The following XPNPEP3 variants were observed in gnomAD, a reference collection of about 807,000 sequenced individuals.
The protein encoded by XPNPEP3 is X-prolyl aminopeptidase 3.
XPNPEP3 carries 41 observed loss-of-function variants against 60.0 expected under a neutral mutation model. That is an observed-to-expected ratio of 0.68 (90% CI 0.53 to 0.89). The LOEUF is 0.89. XPNPEP3 is among the 40% of genes least tolerant of loss of function. The probability of loss-of-function intolerance (pLI) is 0.00; values close to 1 mark genes in which losing one functional copy is unlikely to be tolerated. For synonymous variants in XPNPEP3, 212 were observed against 223.2 expected (o/e 0.95, Z 0.45); for missense variants, 598 against 638.9 (o/e 0.94, Z 0.69).
chr22:40,908,806 A>G (rs908196007), intron 5 of XPNPEP3, among the ~76,000 whole-genome samples: 2 of 152,250 alleles, frequency 1.3e-5, no homozygotes, highest in African/African-American at 2.4e-5. Flanking sequence ...ATAGTTTTCT[A>G]TCTTCTAGAC....
rs756176423 is a variant in XPNPEP3 at position 40,886,548 on chromosome 22, G to A, written c.792+33G>A. The A allele has an allele frequency of 2.1e-5, 33 of 1,603,838 alleles. No homozygotes were observed. The East Asian group carries it at 3.3e-4, about 16-fold the overall frequency. ...TCCTATTGAAAAGTTTTTTCCAGCC[G>A]GGCGCGGTGGCTCACGCCTGTAATC... On this transcript the variant is annotated intron_variant, in intron 4 of 9. Coordinates refer to ENST00000357137, the MANE Select transcript of XPNPEP3 (RefSeq NM_022098.4).
intron 2 of XPNPEP3, among the ~76,000 whole-genome samples, chr22:40,871,040 A>G (rs1354552984): frequency 1.3e-5 from 2 of 151,826 alleles, no homozygotes; most frequent in Non-Finnish European, 2.9e-5. Flanking sequence ...AAAAAAAAGG[A>G]AAAAAAATTT....
intron 4 of XPNPEP3, among the ~76,000 whole-genome samples, chr22:40,891,055 T>A (rs1029933810): frequency 1.3e-5 from 2 of 151,232 alleles, no homozygotes; most frequent in African/African-American, 4.9e-5. Context: ...AAAAGTTACA[T>A]GATTTGGCCA....
At chr22:40,861,593 T>C in intron 1 of XPNPEP3, 2 of 1,613,166 alleles carry the variant, frequency 1.2e-6, no homozygotes, top group South Asian at 2.2e-5. Context: ...AAAAGTATCC[T>C]GCATCTCTGT....
rs143031847 is a variant in XPNPEP3, at chr22:40,867,419, A to G, written c.65-1580A>G. Among the ~76,000 whole-genome samples, 148 of 152,358 alleles carry G rather than the reference A, an allele frequency of 9.7e-4. 2 individuals carry two copies. The East Asian group carries it at 0.026, about 27-fold the overall frequency. On this transcript the variant is annotated intron_variant, in intron 1 of 9. Transcript: ENST00000357137. ...AGGACTATGAATTATGAATAATAAT[A>G]TATGTATTTGGGAGAGAAGAGTCTT...
intron 1 of XPNPEP3, 69 bp downstream of exon 1, chr22:40,857,314 T>A: frequency 6.4e-7 from 1 of 1,560,160 alleles, no homozygotes; most frequent in South Asian, 1.1e-5. Flanking sequence ...TCTCAGGCGA[T>A]CCCTGGTTCG....
intron 2 of XPNPEP3, among the ~76,000 whole-genome samples, chr22:40,873,593 G>C (rs879303850): frequency 3.3e-5 from 5 of 151,790 alleles, no homozygotes; most frequent in Admixed American, 2.6e-4. Context: ...CCTGGGCAAC[G>C]TAGTGAGACC....
chr22:40,864,265 G>A (rs1183138208), intron 1 of XPNPEP3, among the ~76,000 whole-genome samples: 2 of 152,150 alleles, frequency 1.3e-5, no homozygotes, highest in East Asian at 3.8e-4. Flanking sequence ...GTGCTGGTGG[G>A]AGTGTAGCAG....
intron 7 of XPNPEP3, among the ~76,000 whole-genome samples, chr22:40,920,764 C>T (rs2058213350): frequency 6.6e-6 from 1 of 152,088 alleles, no homozygotes; most frequent in Admixed American, 6.6e-5. Context: ...TTTTGTCTTT[C>T]GGAAATTGGA....
chr22:40,916,308 AAAAG>A (rs567267543), intron 7 of XPNPEP3, among the ~76,000 whole-genome samples: 72 of 152,222 alleles, frequency 4.7e-4, no homozygotes, highest in African/African-American at 1.5e-3. Flanking sequence ...AGGAAAAAAA[AAAAG>A]AAAGAAATGA....
chr22:40,862,622 G>C, intron 1 of XPNPEP3: 8 of 985,466 alleles, frequency 8.1e-6, no homozygotes, highest in Non-Finnish European at 9.6e-6. Flanking sequence ...GGCTGGGGGT[G>C]TCAATGAAAG....
chr22:40,901,126 T>TA (rs1464662811), intron 4 of XPNPEP3, among the ~76,000 whole-genome samples: 3 of 151,260 alleles, frequency 2.0e-5, no homozygotes, highest in Non-Finnish European at 2.9e-5. Flanking sequence ...TAAAAAACTT[T>TA]AAAAAATTGT....
At chr22:40,904,579 A>T (rs2058147309) in intron 4 of XPNPEP3, among the ~76,000 whole-genome samples, 1 of 152,140 alleles carries the variant, frequency 6.6e-6, no homozygotes, top group Non-Finnish European at 1.5e-5. Flanking sequence ...AGCCATGACA[A>T]CAATTATCTA....
chr22:40,898,644 T>C (rs1225770120), intron 4 of XPNPEP3, among the ~76,000 whole-genome samples: 1 of 152,196 alleles, frequency 6.6e-6, no homozygotes, highest in Non-Finnish European at 1.5e-5. Context: ...ATTTTATTTC[T>C]TTTATAAAGT....
chr22:40,915,771 A>C (rs1277067848), intron 7 of XPNPEP3, among the ~76,000 whole-genome samples: 1 of 152,176 alleles, frequency 6.6e-6, no homozygotes, highest in Non-Finnish European at 1.5e-5. Context: ...CAAAATCTGC[A>C]TACAGAATAT....
chr22:40,892,928 A>C (rs540239509), intron 4 of XPNPEP3, among the ~76,000 whole-genome samples: 43 of 150,388 alleles, frequency 2.9e-4, no homozygotes, highest in Admixed American at 6.6e-4. Context: ...AGCTCTTTTT[A>C]CACATATTAT....
intron 8 of XPNPEP3, 83 bp from the exon 9 acceptor site, chr22:40,924,279 C>A: frequency 1.3e-6 from 2 of 1,558,026 alleles, no homozygotes; most frequent in Non-Finnish European, 1.8e-6. Flanking sequence ...GATAATAACA[C>A]ATATCTCACT....
intron 2 of XPNPEP3, among the ~76,000 whole-genome samples, chr22:40,871,168 G>A (rs1371760951): frequency 1.3e-5 from 2 of 152,186 alleles, no homozygotes; most frequent in Non-Finnish European, 2.9e-5. Context: ...TTCGAGACGA[G>A]CATAGGCAAC....
intron 4 of XPNPEP3, among the ~76,000 whole-genome samples, chr22:40,898,692 G>A (rs2058119611): frequency 6.6e-6 from 1 of 152,084 alleles, no homozygotes; most frequent in Non-Finnish European, 1.5e-5. Flanking sequence ...AGGAAGTTGG[G>A]ATAAAAGATC....
Sources: gnomAD v4.1 joint callset for allele counts (sites outside exome capture counted in the v4.1 genomes callset) on GRCh38, gnomAD v4.1.1 for gene constraint, MANE v1.5 for transcripts, NCBI Gene and HGNC (gene_info 2026-07-23, HGNC 2026-07-21) for gene names.